EPHB3: variants seen among roughly 807,000 people sequenced by gnomAD.
EPHB3 encodes EPH receptor B3.
EPHB3 carries 33 observed loss-of-function variants against 100.2 expected under a neutral mutation model. That is an observed-to-expected ratio of 0.33 (90% CI 0.25 to 0.44). The LOEUF (loss-of-function observed/expected upper bound fraction) is 0.44. EPHB3 is among the 20% of genes least tolerant of loss of function. The pLI is 1.00. For synonymous variants in EPHB3, 526 were observed against 554.7 expected, an observed-to-expected ratio of 0.95 and a Z score of 0.73; for missense variants, 1,045 against 1,378.3, an observed-to-expected ratio of 0.76 and a Z score of 3.83.
At position 184,581,179 on chromosome 3, in the gene EPHB3, C is replaced by A. The variant is rs1714810420; in HGVS notation, c.2732+14C>A. 1 of 1,611,700 alleles carries A rather than the reference C, an allele frequency of 6.2e-7. No homozygotes were observed. Among genetic ancestry groups the A allele is most frequent in the Admixed American group, 1.7e-5 (1 of 59,924 alleles). ...CGCTCAGTCTGGGTTAGTACCTCTG[C>A]CTCTGCTCCCGCCAAGCCAGTAGCC... is the stretch of plus-strand genomic sequence containing the variant. On this transcript the variant is annotated intron_variant, in intron 14 of 15. Transcript: ENST00000330394.
Position 184,578,012 on chromosome 3 carries a change from C to T in EPHB3, c.1748+6C>T, listed in dbSNP as rs1375099285. 1 of 1,613,718 alleles carries T rather than the reference C, an allele frequency of 6.2e-7. No individual in the cohort carries two copies. The highest frequency in any genetic ancestry group is 8.5e-7 in the Non-Finnish European group (1 of 1,179,836). ...ATCGCTATCGTCTGCCTCAGGTACT[C>T]CCAGGCCCACTGTTGCTCCATGGGC... On this transcript the variant is annotated splice_donor_region_variant and intron_variant, in intron 8 of 15. Transcript: ENST00000330394. This position sits in a 1 kb window ranked among gnomAD's most constrained non-coding sequence, Gnocchi z 4.7.
chr3:184,567,151 T>TA (rs1391755783), intron 1 of EPHB3, among the ~76,000 whole-genome samples: 1 of 152,168 alleles, frequency 6.6e-6, no homozygotes, highest in Non-Finnish European at 1.5e-5. Flanking sequence ...AGTGGCTTGT[T>TA]ACTTGGGCAG....
In EPHB3 at chr3:184,569,734, G is replaced by C. The variant is rs1326776916; in HGVS notation, c.119-1584G>C. On this transcript the variant is annotated intron_variant, in intron 1 of 15. Coordinates refer to ENST00000330394, the MANE Select transcript of EPHB3 (RefSeq NM_004443.4). This position sits in a 1 kb window ranked among gnomAD's most constrained non-coding sequence, Gnocchi z 5.4. Reference sequence around the variant, plus strand: ...GGTCACAGCTGCCTTGTCCACCCACGGGGTCCTCCGCCGTCCTCGGCTCAG... The same window carrying C: ...GGTCACAGCTGCCTTGTCCACCCACCGGGTCCTCCGCCGTCCTCGGCTCAG... Among the ~76,000 whole-genome samples the C allele has an allele frequency of 6.6e-6, 1 of 152,236 alleles. No homozygotes were observed. The highest frequency in any genetic ancestry group is 1.5e-5 in the Non-Finnish European group (1 of 68,032).
At position 184,563,026 on chromosome 3, in the gene EPHB3, G is replaced by A. The variant is rs1193585558; in HGVS notation, c.118+673G>A. On this transcript the variant is annotated intron_variant, in intron 1 of 15. Coordinates refer to ENST00000330394, the MANE Select transcript of EPHB3 (RefSeq NM_004443.4). This position sits in a 1 kb window ranked among gnomAD's most constrained non-coding sequence, Gnocchi z 4.1. ...GTTGCGGGATTTGCCCCAGGTAGCA[G>A]CAGAGCCCGGCGCCTTCCTCAGTAG... 6.6e-6 allele frequency among the ~76,000 whole-genome samples: 1 copy of A among 152,236 alleles called. No homozygotes were observed. Among genetic ancestry groups the A allele is most frequent in the African/African-American group, 2.4e-5 (1 of 41,462 alleles).
Position 184,569,494 on chromosome 3 carries a change from G to T in EPHB3, c.119-1824G>T, listed in dbSNP as rs971693847. Among the ~76,000 whole-genome samples, 2 of 151,414 alleles carry T rather than the reference G, an allele frequency of 1.3e-5. No homozygotes were observed. Among genetic ancestry groups the T allele is most frequent in the African/African-American group, 4.9e-5 (2 of 40,754 alleles). On this transcript the variant is annotated intron_variant, in intron 1 of 15. Transcript: ENST00000330394. This position sits in a 1 kb window ranked among gnomAD's most constrained non-coding sequence, Gnocchi z 5.4. ...CCTCCCTCCCCGCCTGTCTCTGTGG[G>T]CCCCGGCTTCTGAGCATCTCGGCTT... is the stretch of plus-strand genomic sequence containing the variant.
chr3:184,562,276 C>T lies in EPHB3; in HGVS notation c.41C>T (p.Pro14Leu). Residue 14 changes from proline (P) to leucine (L), a missense_variant, in exon 1 of 16, where the codon CCG (proline) becomes CTG (leucine). By Grantham distance (98) the Pro-to-Leu change is moderately conservative (BLOSUM62 -3). Coordinates refer to ENST00000330394, the MANE Select transcript of EPHB3 (RefSeq NM_004443.4). This position sits in a 1 kb window ranked among gnomAD's most constrained non-coding sequence, Gnocchi z 4.8. ...CCGCCGCCGCCGCCGTCGCCGCCGC[C>T]GGGGCTTCTGCCGCTGCTCCCTCCG... ...ARPPPPPSPP[P>L]GLLPLLPPLL... The T allele has an allele frequency of 8.3e-7, 1 of 1,207,898 alleles. No homozygotes were observed. 74.8% of individuals were successfully genotyped at this position (1,207,898 alleles called of 1,614,324 possible).
In EPHB3 at chr3:184,578,231, G is replaced by T; in HGVS notation, c.1749-183G>T. The T allele has an allele frequency of 1.1e-6, 1 of 944,704 alleles. No homozygotes were observed. Among genetic ancestry groups the T allele is most frequent in the Non-Finnish European group, 1.6e-6 (1 of 636,882 alleles). The allele number at this position is 944,704 out of a possible 1,614,324, so 58.5% of individuals were successfully genotyped here. A position where few individuals can be genotyped will look rare whatever the true frequency, so the allele number is the denominator to read the frequency against. ...CCTGAATCTCCGGGCAGGTTCCCTA[G>T]GGACTGAGTCCACTGAACCCCTTGC... On this transcript the variant is annotated intron_variant, in intron 8 of 15. Transcript: ENST00000330394. This position sits in a 1 kb window ranked among gnomAD's most constrained non-coding sequence, Gnocchi z 4.7.
At position 184,579,515 on chromosome 3, in the gene EPHB3, T is replaced by C. The variant is rs1714766170; in HGVS notation, c.1840T>C (p.Tyr614His). 6.2e-7 allele frequency: 1 copy of C among 1,613,910 alleles called. No individual in the cohort carries two copies. Among genetic ancestry groups the C allele is most frequent in the Non-Finnish European group, 8.5e-7 (1 of 1,179,974 alleles). ...GAAGGTTTATATTGACCCTTTTACC[T>C]ACGAGGACCCTAATGAGGCTGTTCG... ...GMKVYIDPFT[Y>H]EDPNEAVREF... Residue 614 changes from tyrosine (Y) to histidine (H), a missense_variant, in exon 10 of 16, where the codon TAC becomes CAC. Physicochemically the swap from Tyr to His is moderately conservative, Grantham distance 83. This residue lies in a region of EPHB3 where 985 missense variants were observed against 1,331.1 expected (regional missense o/e 0.74). Transcript: ENST00000330394. The surrounding 1 kb of genome is among the most constrained non-coding windows in gnomAD (Gnocchi z 5.2).
Position 184,569,605 on chromosome 3 carries a change from C to T in EPHB3, c.119-1713C>T, listed in dbSNP as rs1220762877. ...AGGCCAGGATCGCTCCCCTTACAGC[C>T]GGGCCCTCAGGGGACCAGGGGCTGC... On this transcript the variant is annotated intron_variant, in intron 1 of 15. Transcript: ENST00000330394. The surrounding 1 kb of genome is among the most constrained non-coding windows in gnomAD (Gnocchi z 5.4). 2.0e-5 allele frequency among the ~76,000 whole-genome samples: 3 copies of T among 152,344 alleles called. No individual in the cohort carries two copies. The highest frequency in any genetic ancestry group is 6.5e-5 in the Admixed American group (1 of 15,310).
intron 1 of EPHB3, among the ~76,000 whole-genome samples, chr3:184,564,197 C>G (rs1349611185): frequency 1.3e-5 from 2 of 152,198 alleles, no homozygotes; most frequent in Non-Finnish European, 2.9e-5. Context: ...CCCGGCCTGC[C>G]CACCTCCCCT....
In EPHB3 at chr3:184,572,483, T is replaced by G; in HGVS notation, c.184-21T>G. 1 of 1,535,586 alleles carries G rather than the reference T, an allele frequency of 6.5e-7. No individual in the cohort carries two copies. The highest frequency in any genetic ancestry group is 8.7e-7 in the Non-Finnish European group (1 of 1,148,800). On this transcript the variant is annotated intron_variant, in intron 2 of 15. Coordinates refer to ENST00000330394, the MANE Select transcript of EPHB3 (RefSeq NM_004443.4). The surrounding 1 kb of genome is among the most constrained non-coding windows in gnomAD (Gnocchi z 6.6). ...GCAAATGCAGGCATTCACTCTGTCTTTTTCATTGGTCCATGCACAGTGGGA... is the reference window on the plus strand; with the variant it reads ...GCAAATGCAGGCATTCACTCTGTCTGTTTCATTGGTCCATGCACAGTGGGA...
rs1330799836 is a variant in EPHB3 at position 184,562,867 on chromosome 3, G to T, written c.118+514G>T. ...ACCGCTGCGGGGGCGGACAGGCGGG[G>T]GCCTGTTATTGTTTATGGTTTACCG... On this transcript the variant is annotated intron_variant, in intron 1 of 15. Coordinates refer to ENST00000330394, the MANE Select transcript of EPHB3 (RefSeq NM_004443.4). The surrounding 1 kb of genome is among the most constrained non-coding windows in gnomAD (Gnocchi z 4.8). 6.6e-6 allele frequency among the ~76,000 whole-genome samples: 1 copy of T among 152,210 alleles called. No individual in the cohort carries two copies. Among genetic ancestry groups the T allele is most frequent in the African/African-American group, 2.4e-5 (1 of 41,452 alleles).
chr3:184,568,605 A>T (rs1306364411), intron 1 of EPHB3, among the ~76,000 whole-genome samples: 1 of 73,768 alleles, frequency 1.4e-5, no homozygotes, highest in Non-Finnish European at 3.0e-5. Context: ...CCCCCCCCAC[A>T]TCCCCCTCAC....
chr3:184,579,723 A>C lies in EPHB3; in HGVS notation c.1961A>C (p.Gln654Pro), dbSNP rs922729287. 6.2e-7 allele frequency: 1 copy of C among 1,612,546 alleles called. No individual in the cohort carries two copies. Among genetic ancestry groups the C allele is most frequent in the African/African-American group, 1.3e-5 (1 of 74,744 alleles). ...FGEVCRGRLK[Q>P]PGRREVFVAI... ...GAAGTGTGCCGTGGTCGACTGAAAC[A>C]GCCTGGCCGCCGAGAGGTGTTTGTG... The change falls in exon 11 of 16, where the codon CAG becomes CCG. Residue 654 changes from glutamine to proline, a missense_variant. Transcript: ENST00000330394. The surrounding 1 kb of genome is among the most constrained non-coding windows in gnomAD (Gnocchi z 5.2).
In EPHB3 at chr3:184,577,088, G is replaced by A. The variant is rs373788594; in HGVS notation, c.1259G>A (p.Arg420His). ...ATCAGCCATCTGCTGGCCCACACGC[G>A]CTACACCTTTGAGGTGCAGGCGGTC... is the stretch of plus-strand genomic sequence containing the variant. ...VHISHLLAHT[R>H]YTFEVQAVNG... is the part of the protein sequence containing the mutation. Residue 420 changes from arginine to histidine, a missense_variant, in exon 5 of 16, where the codon CGC becomes CAC. Physicochemically the swap from Arg to His is conservative, Grantham distance 29 (BLOSUM62 0). This residue lies in a region of EPHB3 where 985 missense variants were observed against 1,331.1 expected (regional missense o/e 0.74). Transcript: ENST00000330394. This position sits in a 1 kb window ranked among gnomAD's most constrained non-coding sequence, Gnocchi z 4.9. The A allele has an allele frequency of 6.9e-5, 112 of 1,613,344 alleles. 1 individual carries two copies. The highest frequency in any genetic ancestry group is 8.9e-5 in the Non-Finnish European group (105 of 1,179,896).
At position 184,575,902 on chromosome 3, in the gene EPHB3, C is replaced by T. The variant is rs751702691; in HGVS notation, c.929C>T (p.Thr310Ile). Reference sequence around the variant, plus strand: ...CTCCCATGTCCCCCCAACAGCCGTACCACCTCCCCAGCCGCCAGCATCTGC... The same window carrying T: ...CTCCCATGTCCCCCCAACAGCCGTATCACCTCCCCAGCCGCCAGCATCTGC... ...PCLPCPPNSR[T>I]TSPAASICTC... The change falls in exon 4 of 16, where the codon ACC becomes ATC. Residue 310 changes from threonine to isoleucine, a missense_variant. By Grantham distance (89) the Thr-to-Ile change is moderately conservative (BLOSUM62 -1). Transcript: ENST00000330394. 1 of 1,613,816 alleles carries T rather than the reference C, an allele frequency of 6.2e-7. No homozygotes were observed. Among genetic ancestry groups the T allele is most frequent in the Admixed American group, 1.7e-5 (1 of 60,016 alleles).
intron 1 of EPHB3, among the ~76,000 whole-genome samples, chr3:184,564,171 C>T (rs957177671): frequency 2.0e-5 from 3 of 152,204 alleles, no homozygotes; most frequent in Admixed American, 6.5e-5. Flanking sequence ...GGCAGCAGGA[C>T]CTTTCGTTCC....
Position 184,571,434 on chromosome 3 carries a change from C to A in EPHB3, c.183+52C>A. The A allele has an allele frequency of 1.3e-6, 2 of 1,597,618 alleles. No homozygotes were observed. The highest frequency in any genetic ancestry group is 1.1e-5 in the South Asian group (1 of 90,332). On this transcript the variant is annotated intron_variant, in intron 2 of 15. Coordinates refer to ENST00000330394, the MANE Select transcript of EPHB3 (RefSeq NM_004443.4). The surrounding 1 kb of genome is among the most constrained non-coding windows in gnomAD (Gnocchi z 5.0). ...GTGTTGTTTGCCATTAGGCCTCCCCCCACTTCCAGCCTCCGTGCCCCCTCA... is the reference window on the plus strand; with the variant it reads ...GTGTTGTTTGCCATTAGGCCTCCCCACACTTCCAGCCTCCGTGCCCCCTCA...
At position 184,563,572 on chromosome 3, in the gene EPHB3, A is replaced by G. The variant is rs971152987; in HGVS notation, c.118+1219A>G. Among the ~76,000 whole-genome samples, 2 of 152,208 alleles carry G rather than the reference A, an allele frequency of 1.3e-5. No homozygotes were observed. Among genetic ancestry groups the G allele is most frequent in the East Asian group, 1.9e-4 (1 of 5,198 alleles). On this transcript the variant is annotated intron_variant, in intron 1 of 15. Transcript: ENST00000330394. The surrounding 1 kb of genome is among the most constrained non-coding windows in gnomAD (Gnocchi z 4.1). ...ATGTTCTCCAGAGGAAAGACCTCCT[A>G]TGATCCCCCACCCTCCTCATCTCTG... is the stretch of plus-strand genomic sequence containing the variant.
Sources: gnomAD v4.1 joint callset for allele counts (sites outside exome capture counted in the v4.1 genomes callset) on GRCh38, gnomAD v4.1.1 for gene constraint, gnomAD v4.1.1 regional missense constraint, Gnocchi (gnomAD v3.1) non-coding constraint, MANE v1.5 for transcripts, NCBI Gene and HGNC (gene_info 2026-07-23, HGNC 2026-07-21) for gene names.